AFF2: variants seen among roughly 807,000 people sequenced by gnomAD.
AFF2 encodes the protein AF4/FMR2 family member 2.
AFF2 carries 14 observed loss-of-function variants against 76.9 expected under a neutral mutation model. The ratio of observed to expected loss-of-function variants is 0.18; its 90% CI spans 0.12 to 0.28. The LOEUF (loss-of-function observed/expected upper bound fraction) is 0.28. Among genes scored for constraint, AFF2 ranks in the 10% least tolerant of loss-of-function variants. The pLI is 1.00. For missense variants in AFF2, 868 were observed against 1,001.1 expected (o/e 0.87, Z 1.79); for synonymous variants, 398 against 366.7 (o/e 1.09, Z -0.98).
intron 9 of AFF2, among the ~76,000 whole-genome samples, chrX:148,923,845 A>G (rs2071622368): frequency 9.0e-6 from 1 of 111,714 alleles, no homozygotes; most frequent in Non-Finnish European, 1.9e-5. Context: ...AGCTTCTCTG[A>G]TTGCATGTGT....
At chrX:148,563,046 T>G (rs1557240985) in intron 1 of AFF2, among the ~76,000 whole-genome samples, 3 of 111,781 alleles carry the variant, frequency 2.7e-5, no homozygotes, top group Non-Finnish European at 5.7e-5. Context: ...GCCTGCAGGA[T>G]GAGAGGAAGC....
chrX:148,567,830 G>T (rs781889180), intron 1 of AFF2, among the ~76,000 whole-genome samples: 6 of 112,106 alleles, frequency 5.4e-5, no homozygotes, highest in Non-Finnish European at 9.4e-5. Context: ...GCTAGAAAAA[G>T]CTTTAGGAGA....
intron 9 of AFF2, among the ~76,000 whole-genome samples, chrX:148,937,926 A>C (rs1351266160): frequency 1.8e-5 from 2 of 112,668 alleles, no homozygotes; most frequent in African/African-American, 6.4e-5. Context: ...TGAAGAAAAA[A>C]TTGCAAAACA....
chrX:148,521,374 G>GCGCACACACA (rs1428070939), intron 1 of AFF2, among the ~76,000 whole-genome samples: 2 of 90,921 alleles, frequency 2.2e-5, no homozygotes, highest in African/African-American at 8.5e-5. Context: ...GCACGTGCAT[G>GCGCACACACA]CACACACACA....
chrX:148,906,370 G>T (rs782012992), intron 9 of AFF2, among the ~76,000 whole-genome samples: 10 of 111,753 alleles, frequency 8.9e-5, no homozygotes, highest in Non-Finnish European at 1.7e-4. Context: ...CAGCACTTGG[G>T]TTTTCCCATT....
intron 1 of AFF2, among the ~76,000 whole-genome samples, chrX:148,572,383 G>A (rs1390366489): frequency 8.9e-6 from 1 of 112,034 alleles, no homozygotes; most frequent in Non-Finnish European, 1.9e-5. Flanking sequence ...GAATTTTCAT[G>A]TGACCCAACA....
chrX:148,953,845 C>G, intron 10 of AFF2, 106 bp downstream of exon 10: 1 of 668,785 alleles, frequency 1.5e-6, no homozygotes, highest in African/African-American at 2.3e-5. Flanking sequence ...ACTTTCAGCA[C>G]AATAATTAAT....
At chrX:148,796,783 T>A (rs1378155693) in intron 3 of AFF2, among the ~76,000 whole-genome samples, 1 of 112,286 alleles carries the variant, frequency 8.9e-6, no homozygotes, top group African/African-American at 3.2e-5. Context: ...TTCAAAATAA[T>A]CTTTTCAAAC....
At chrX:148,535,166 C>T (rs183141391) in intron 1 of AFF2, among the ~76,000 whole-genome samples, 2 of 111,770 alleles carry the variant, frequency 1.8e-5, no homozygotes, top group East Asian at 5.6e-4. Context: ...ATAATAGTCA[C>T]TCAATATGAG....
In AFF2 at chrX:148,876,936, C is replaced by T. The variant is rs1019662269; in HGVS notation, c.1263-8953C>T. Reference sequence around the variant, plus strand: ...GCTATCATGAGACAGTTTCCCATCACCTCCCAGGTTCTGTTGAGGAGTTTT... The same window carrying T: ...GCTATCATGAGACAGTTTCCCATCATCTCCCAGGTTCTGTTGAGGAGTTTT... On this transcript the variant is annotated intron_variant, in intron 7 of 20. Coordinates refer to ENST00000370460, the MANE Select transcript of AFF2 (RefSeq NM_002025.4). 4.6e-4 allele frequency among the ~76,000 whole-genome samples: 51 copies of T among 111,765 alleles called. 1 individual carries two copies. The highest frequency in any genetic ancestry group is 1.6e-3 in the African/African-American group (49 of 30,762).
chrX:148,844,223 T>A (rs782059866), intron 7 of AFF2, among the ~76,000 whole-genome samples: 1 of 111,763 alleles, frequency 8.9e-6, no homozygotes, highest in South Asian at 3.8e-4. Context: ...GGACATGAAA[T>A]GTTGAGTGGA....
chrX:148,949,407 C>T (rs1025718165), intron 9 of AFF2, among the ~76,000 whole-genome samples: 2 of 111,491 alleles, frequency 1.8e-5, no homozygotes, highest in Admixed American at 9.5e-5. Context: ...TTCTCTCCCA[C>T]TGGCCTACTC....
At chrX:148,529,585 A>G (rs916723379) in intron 1 of AFF2, among the ~76,000 whole-genome samples, 1 of 111,938 alleles carries the variant, frequency 8.9e-6, no homozygotes, top group Non-Finnish European at 1.9e-5. Context: ...TGTTTGTCCA[A>G]TGGTTTCTGA....
chrX:148,584,989 C>T (rs2053452971), intron 1 of AFF2, among the ~76,000 whole-genome samples: 1 of 111,641 alleles, frequency 9.0e-6, no homozygotes, highest in Non-Finnish European at 1.9e-5. Context: ...TTAAATCTTT[C>T]CAAATTCAGG....
At chrX:148,623,952 G>A (rs1323901215) in intron 1 of AFF2, among the ~76,000 whole-genome samples, 1 of 111,199 alleles carries the variant, frequency 9.0e-6, no homozygotes, top group East Asian at 2.8e-4. Context: ...GTGATAAGCT[G>A]GCAGTTTTGT....
intron 3 of AFF2, among the ~76,000 whole-genome samples, chrX:148,680,276 C>A (rs1410640623): frequency 8.9e-6 from 1 of 111,976 alleles, no homozygotes; most frequent in African/African-American, 3.2e-5. Context: ...GTGAATACAT[C>A]CCCTGGAGAG....
chrX:148,853,329 A>G (rs1557275598), intron 7 of AFF2, among the ~76,000 whole-genome samples: 1 of 111,411 alleles, frequency 9.0e-6, no homozygotes, highest in Non-Finnish European at 1.9e-5. Flanking sequence ...TTATTGTCCT[A>G]GAGAGGTCAC....
intron 7 of AFF2, among the ~76,000 whole-genome samples, chrX:148,851,505 A>G: frequency 1.8e-5 from 2 of 111,824 alleles, no homozygotes; most frequent in Non-Finnish European, 3.8e-5. Context: ...GAAGATCTAC[A>G]GTACAACCCC....
chrX:148,564,909 T>A (rs2053152566), intron 1 of AFF2, among the ~76,000 whole-genome samples: 1 of 112,422 alleles, frequency 8.9e-6, no homozygotes, highest in African/African-American at 3.2e-5. Flanking sequence ...TGGAATTGCT[T>A]TAATGTCATG....
Sources: allele counts gnomAD v4.1 joint callset (sites outside exome capture counted in the v4.1 genomes callset), GRCh38; gene constraint gnomAD v4.1.1; transcripts MANE v1.5; gene names NCBI Gene and HGNC (gene_info 2026-07-23, HGNC 2026-07-21).